The following UGT1A7 variants were observed in gnomAD, a reference collection of about 807,000 sequenced individuals.
The protein encoded by UGT1A7 is UDP glucuronosyltransferase family 1 member A7.
In UGT1A7, 33 loss-of-function variants were observed where a neutral mutation model predicts 45.6. The ratio of observed to expected loss-of-function variants is 0.72; its 90% CI spans 0.55 to 0.97. UGT1A7 has a LOEUF of 0.97. Ranked by LOEUF, UGT1A7 falls within the 50% of genes least tolerant of loss-of-function variation. The probability of loss-of-function intolerance (pLI) is 0.00; values close to 1 mark genes in which losing one functional copy is unlikely to be tolerated. For missense variants in UGT1A7, 684 were observed against 666.2 expected, an observed-to-expected ratio of 1.03 and a Z score of -0.29; for synonymous variants, 274 against 250.6, an observed-to-expected ratio of 1.09 and a Z score of -0.88.
chr2:233,726,131 A>C (rs190150615), intron 1 of UGT1A7, among the ~76,000 whole-genome samples: 156 of 152,186 alleles, frequency 1.0e-3, no homozygotes, highest in African/African-American at 3.6e-3. Flanking sequence ...ACACCACCTC[A>C]CTCCAGCCCG....
chr2:233,683,986 G>A (rs1470062095), intron 1 of UGT1A7, among the ~76,000 whole-genome samples: 1 of 152,130 alleles, frequency 6.6e-6, no homozygotes, highest in Non-Finnish European at 1.5e-5. Context: ...AATTGAAAAA[G>A]TCGTGACAAA....
intron 1 of UGT1A7, among the ~76,000 whole-genome samples, chr2:233,730,853 A>G (rs560522362): frequency 1.1e-4 from 17 of 152,196 alleles, no homozygotes; most frequent in Non-Finnish European, 2.1e-4. Context: ...ACATCACCAA[A>G]CCCACCCTAC....
At position 233,747,376 on chromosome 2, in the gene UGT1A7, G is replaced by A. The variant is rs1236630048; in HGVS notation, c.856-19658G>A. On this transcript the variant is annotated intron_variant, in intron 1 of 4. Transcript: ENST00000373426. The stretch of plus-strand genomic sequence containing the variant: ...GCCGTGCGGGAGCTCCATGCCAGAG[G>A]CCACCAGGCGGTGGTCCTCACCCCA... 3 of 1,604,666 alleles carry A rather than the reference G, an allele frequency of 1.9e-6. No individual in the cohort carries two copies. The African/African-American group carries it at 4.0e-5, about 22-fold the overall frequency.
intron 1 of UGT1A7, chr2:233,693,115 C>A: frequency 6.2e-7 from 1 of 1,614,176 alleles, no homozygotes; most frequent in Non-Finnish European, 8.5e-7. Flanking sequence ...AGGACGGAAG[C>A]CACTGGCTTA....
chr2:233,772,478 T>C lies in UGT1A7; in HGVS notation c.1512T>C (p.Phe504=). ...AVVLTVAFIT[F]KCCAYGYRKC... Reference sequence around the variant, plus strand: ...TGCTGACAGTGGCCTTCATCACCTTTAAATGTTGTGCTTATGGCTACCGGA... The same window carrying C: ...TGCTGACAGTGGCCTTCATCACCTTCAAATGTTGTGCTTATGGCTACCGGA... The change falls in exon 5 of 5, where the codon TTT becomes TTC. Residue 504 remains phenylalanine (F), a synonymous_variant. Transcript: ENST00000373426. 1 of 1,614,184 alleles carries C rather than the reference T, an allele frequency of 6.2e-7. No homozygotes were observed. Among genetic ancestry groups the C allele is most frequent in the South Asian group, 1.1e-5 (1 of 91,086 alleles).
intron 1 of UGT1A7, chr2:233,743,606 A>C (rs1409222712): frequency 7.3e-7 from 1 of 1,367,154 alleles, no homozygotes; most frequent in African/African-American, 1.5e-5. Context: ...CTGGCCGCCG[A>C]AGAACTCCCT....
rs1296616460 is a variant in UGT1A7 at position 233,754,185 on chromosome 2, C to G, written c.856-12849C>G. Reference sequence around the variant, plus strand: ...ATTAATATATTCATAGATTTCACCACCACACAGTAAAACATTGAAGTCAAA... The same window carrying G: ...ATTAATATATTCATAGATTTCACCAGCACACAGTAAAACATTGAAGTCAAA... On this transcript the variant is annotated intron_variant, in intron 1 of 4. Transcript: ENST00000373426. 3.1e-5 allele frequency: 5 copies of G among 159,682 alleles called. No individual in the cohort carries two copies. The East Asian group carries it at 9.1e-4, about 29-fold the overall frequency. 9.9% of individuals were successfully genotyped at this position (159,682 alleles called of 1,614,324 possible). A position where few individuals can be genotyped will look rare whatever the true frequency, so the allele number is the denominator to read the frequency against.
At chr2:233,683,037 A>G (rs1374308293) in intron 1 of UGT1A7, among the ~76,000 whole-genome samples, 2 of 152,110 alleles carry the variant, frequency 1.3e-5, no homozygotes, top group Non-Finnish European at 2.9e-5. Context: ...TCTAAATGCT[A>G]TTTTTGGAAA....
At chr2:233,736,707 G>C (rs536736454) in intron 1 of UGT1A7, among the ~76,000 whole-genome samples, 9 of 152,300 alleles carry the variant, frequency 5.9e-5, no homozygotes, top group African/African-American at 1.9e-4. Flanking sequence ...TTTTGGTGTA[G>C]ATGTCCTTTT....
intron 1 of UGT1A7, among the ~76,000 whole-genome samples, chr2:233,723,730 C>G (rs1044734705): frequency 1.3e-5 from 1 of 79,384 alleles, no homozygotes; most frequent in Non-Finnish European, 2.2e-5. Flanking sequence ...TTGGTGATGA[C>G]TCTTAACGAG....
chr2:233,747,183 G>A (rs1016025766), intron 1 of UGT1A7: 1 of 1,602,336 alleles, frequency 6.2e-7, no homozygotes, highest in South Asian at 1.1e-5. Flanking sequence ...AGCGTGGGGT[G>A]GACAGTCAGC....
chr2:233,739,185 T>C (rs1265092555), intron 1 of UGT1A7: 3 of 152,264 alleles, frequency 2.0e-5, no homozygotes, highest in Admixed American at 2.0e-4. Context: ...AATGCTTGGA[T>C]GTCCAGGCAG....
At chr2:233,730,965 G>A (rs1412935935) in intron 1 of UGT1A7, among the ~76,000 whole-genome samples, 2 of 152,130 alleles carry the variant, frequency 1.3e-5, no homozygotes, top group African/African-American at 2.4e-5. Flanking sequence ...ATGGTACTCT[G>A]GGACCTGAAT....
chr2:233,745,084 T>A (rs1035924071), intron 1 of UGT1A7, among the ~76,000 whole-genome samples: 1 of 151,944 alleles, frequency 6.6e-6, no homozygotes, highest in African/African-American at 2.4e-5. Flanking sequence ...TTTTCATTGC[T>A]CTTCCCCCCA....
At chr2:233,711,626 G>A (rs1104892) in intron 1 of UGT1A7, among the ~76,000 whole-genome samples, 87,037 of 152,060 alleles carry the variant, frequency 0.57, 26,823 homozygotes, top group African/African-American at 0.81. Context: ...AGCTCCATTC[G>A]CTGCCTGTCC....
chr2:233,729,476 T>G lies in UGT1A7; in HGVS notation c.856-37558T>G, dbSNP rs780193627. On this transcript the variant is annotated intron_variant, in intron 1 of 4. Coordinates refer to ENST00000373426, the MANE Select transcript of UGT1A7 (RefSeq NM_019077.3). Reference sequence around the variant, plus strand: ...AAATTTTTCAGAAGTATGGCAATGTTGAACAATATGTCTTTGGTCTATCAT... The same window carrying G: ...AAATTTTTCAGAAGTATGGCAATGTGGAACAATATGTCTTTGGTCTATCAT... 12 of 1,614,098 alleles carry G rather than the reference T, an allele frequency of 7.4e-6. No individual in the cohort carries two copies. In the African/African-American group the frequency reaches 1.6e-4, roughly 22 times the overall value.
At chr2:233,724,344 C>CCT (rs2077230748) in intron 1 of UGT1A7, among the ~76,000 whole-genome samples, 1 of 144,934 alleles carries the variant, frequency 6.9e-6, no homozygotes, top group African/African-American at 2.5e-5. Context: ...GGGCTGACCC[C>CCT]CCCCACCTCC....
intron 1 of UGT1A7, among the ~76,000 whole-genome samples, chr2:233,759,538 A>C (rs1009544779): frequency 1.3e-5 from 2 of 152,036 alleles, no homozygotes; most frequent in Non-Finnish European, 2.9e-5. Context: ...TTCTGTTCAC[A>C]TGCGCTCCAG....
chr2:233,740,981 G>T (rs1424238424), intron 1 of UGT1A7: 1 of 151,674 alleles, frequency 6.6e-6, no homozygotes, highest in African/African-American at 2.4e-5. Flanking sequence ...TAGCTACTGG[G>T]AATGCTGAGG....
Sources: allele counts gnomAD v4.1 joint callset (sites outside exome capture counted in the v4.1 genomes callset), GRCh38; gene constraint gnomAD v4.1.1; transcripts MANE v1.5; gene names NCBI Gene and HGNC (gene_info 2026-07-23, HGNC 2026-07-21).